Variants in TEC observed in about 807,000 individuals in gnomAD.
The protein encoded by TEC is tyrosine-protein kinase Tec.
A neutral mutation model predicts 93.0 loss-of-function variants in TEC; 72 were observed. The observed-to-expected ratio is 0.77, with a 90% CI of 0.64 to 0.94. The LOEUF is 0.94. Among genes scored for constraint, TEC ranks in the 40% least tolerant of loss-of-function variants. The pLI is 0.00. For missense variants in TEC, 630 were observed against 757.9 expected (o/e 0.83, Z 1.98); for synonymous variants, 249 against 247.7 (o/e 1.01, Z -0.05).
At chr4:48,140,420 G>C (rs912219376) in intron 15 of TEC, among the ~76,000 whole-genome samples, 1 of 152,158 alleles carries the variant, frequency 6.6e-6, no homozygotes, top group Non-Finnish European at 1.5e-5. Context: ...ATCACAAAGA[G>C]GTCATCCTGA....
intron 2 of TEC, among the ~76,000 whole-genome samples, chr4:48,219,681 T>C (rs73138481): frequency 0.013 from 2,055 of 152,254 alleles, 53 homozygotes; most frequent in African/African-American, 0.047. Flanking sequence ...GGGCCCCCTA[T>C]ACTGTAATCA....
At chr4:48,219,386 G>C (rs1386802266) in intron 2 of TEC, among the ~76,000 whole-genome samples, 2 of 152,090 alleles carry the variant, frequency 1.3e-5, no homozygotes, top group Admixed American at 6.5e-5. Context: ...CTTGTGGGAG[G>C]CTGGATATTA....
At chr4:48,198,031 G>T (rs1435547119) in intron 2 of TEC, among the ~76,000 whole-genome samples, 1 of 152,160 alleles carries the variant, frequency 6.6e-6, no homozygotes, top group Non-Finnish European at 1.5e-5. Flanking sequence ...CCTGCCTCAT[G>T]CAACCCGGAG....
chr4:48,197,718 A>T (rs550626844), intron 2 of TEC, among the ~76,000 whole-genome samples: 96 of 152,314 alleles, frequency 6.3e-4, no homozygotes, highest in African/African-American at 2.2e-3. Flanking sequence ...GTGAATTCTT[A>T]TACTTTCATG....
In TEC at chr4:48,137,496, GT is replaced by G; in HGVS notation, c.1815del (p.Lys605AsnfsTer15). ...TCTTCGAAAGAAGGCCTTCCCTCTG[GT>G]TTCTACAATTAAAAGTCAAAGAGAA... ...YEVMLRCWQE[K>X]PEGRPSFEDL... On this transcript the variant is annotated frameshift_variant and splice_region_variant, in exon 18 of 18. Coordinates refer to ENST00000381501, the MANE Select transcript of TEC (RefSeq NM_003215.3). LOFTEE classifies it high-confidence loss of function. 6.2e-7 allele frequency: 1 copy of G among 1,613,776 alleles called. No homozygotes were observed. The highest frequency in any genetic ancestry group is 8.5e-7 in the Non-Finnish European group (1 of 1,179,840).
intron 8 of TEC, among the ~76,000 whole-genome samples, chr4:48,163,283 T>C (rs1481542101): frequency 1.3e-5 from 2 of 152,170 alleles, no homozygotes; most frequent in Non-Finnish European, 2.9e-5. Context: ...TCAAAAATAG[T>C]AAAAAGATTG....
At chr4:48,144,998 T>TA in intron 14 of TEC, 81 bp downstream of exon 14, 1 of 1,311,302 alleles carries the variant, frequency 7.6e-7, no homozygotes, top group South Asian at 1.2e-5. Flanking sequence ...AATTGGCTAT[T>TA]AATACATCAT....
chr4:48,240,119 A>G (rs1723888084), intron 1 of TEC, among the ~76,000 whole-genome samples: 1 of 152,158 alleles, frequency 6.6e-6, no homozygotes, highest in Non-Finnish European at 1.5e-5. Flanking sequence ...GGTATGGAAG[A>G]GTATAGACAA....
rs186404021 is a variant in TEC, at chr4:48,196,280, T to C, written c.139-20094A>G. ...GCTAAGAACCAGCAGGCCTCTATAA[T>C]AGAGCTTACTGCTTAAAAGCAAAAA... On this transcript the variant is annotated intron_variant, in intron 2 of 17. Coordinates refer to ENST00000381501, the MANE Select transcript of TEC (RefSeq NM_003215.3). Among the ~76,000 whole-genome samples the C allele has an allele frequency of 8.4e-4, 128 of 152,314 alleles. 1 individual carries two copies. The highest frequency in any genetic ancestry group is 2.9e-3 in the African/African-American group (122 of 41,578).
chr4:48,173,415 A>G (rs2704433), intron 3 of TEC, among the ~76,000 whole-genome samples: 123,563 of 152,152 alleles, frequency 0.81, 50,296 homozygotes, highest in East Asian at 0.92. Context: ...TAGGAATAGC[A>G]CCCTGTTTTG....
intron 2 of TEC, among the ~76,000 whole-genome samples, chr4:48,221,246 T>C (rs1026435745): frequency 5.9e-5 from 9 of 152,224 alleles, no homozygotes; most frequent in Non-Finnish European, 1.3e-4. Flanking sequence ...TCTTGAATTG[T>C]AGTTCCCATA....
intron 9 of TEC, among the ~76,000 whole-genome samples, chr4:48,154,581 T>G (rs898962382): frequency 6.6e-6 from 1 of 152,190 alleles, no homozygotes; most frequent in African/African-American, 2.4e-5. Context: ...ATATGGTTTT[T>G]GCTTAAGAAA....
intron 2 of TEC, among the ~76,000 whole-genome samples, chr4:48,225,943 G>A (rs1392860999): frequency 6.6e-6 from 1 of 151,978 alleles, no homozygotes; most frequent in African/African-American, 2.4e-5. Context: ...GAAAGGAGGT[G>A]GATTCTGCCA....
intron 1 of TEC, among the ~76,000 whole-genome samples, chr4:48,236,555 TACAGGCGTGAGCCACCGCG>T (rs1386333349): frequency 6.6e-6 from 1 of 152,232 alleles, no homozygotes; most frequent in Non-Finnish European, 1.5e-5. Flanking sequence ...GTGCTGGGAT[TACAGGCGTGAGCCACCGCG>T]CCGGGCCACA....
chr4:48,232,664 C>T (rs533401953), intron 1 of TEC, among the ~76,000 whole-genome samples: 1 of 152,222 alleles, frequency 6.6e-6, no homozygotes, highest in African/African-American at 2.4e-5. Flanking sequence ...GTGTTGAATG[C>T]ACACTTCACA....
At chr4:48,201,977 G>C (rs1480300598) in intron 2 of TEC, among the ~76,000 whole-genome samples, 1 of 102,408 alleles carries the variant, frequency 9.8e-6, no homozygotes, top group Non-Finnish European at 1.9e-5. Context: ...TTTTTTTTGA[G>C]ACAGAGTCTC....
chr4:48,247,440 G>A (rs751933781), intron 1 of TEC, among the ~76,000 whole-genome samples: 10 of 152,182 alleles, frequency 6.6e-5, no homozygotes, highest in Admixed American at 2.6e-4. Flanking sequence ...GTATGTGAAT[G>A]CTCATGGCAG....
At chr4:48,186,800 C>G (rs369832779) in intron 2 of TEC, among the ~76,000 whole-genome samples, 1 of 151,052 alleles carries the variant, frequency 6.6e-6, no homozygotes, top group Non-Finnish European at 1.5e-5. Context: ...GCCGCCCCAT[C>G]TGGGAGGGAG....
At position 48,145,562 on chromosome 4, in the gene TEC, G is replaced by C. The variant is rs144659420; in HGVS notation, c.1099C>G (p.Pro367Ala). ...GFSYEKWEIN[P>A]SELTFMRELG... ...TCCCTCATAAAGGTCAGTTCTGAAG[G>C]GTTAATCTCCCATTTCTCTGCAGGA... is the stretch of plus-strand genomic sequence containing the variant. Residue 367 changes from proline (P) to alanine (A), a missense_variant, in exon 13 of 18, where the codon CCT becomes GCT. Around this residue, in one of 3 missense-constraint regions of TEC, gnomAD observed 289 missense variants for 390.0 expected, o/e 0.74. Transcript: ENST00000381501. 2.5e-5 allele frequency: 40 copies of C among 1,613,908 alleles called. No homozygotes were observed. Among genetic ancestry groups the C allele is most frequent in the Non-Finnish European group, 3.4e-5 (40 of 1,179,910 alleles).
Sources: allele counts gnomAD v4.1 joint callset (sites outside exome capture counted in the v4.1 genomes callset), GRCh38; gene constraint gnomAD v4.1.1; regional missense constraint gnomAD v4.1.1; transcripts MANE v1.5; gene names NCBI Gene and HGNC (gene_info 2026-07-23, HGNC 2026-07-21).